The following MYO1B variants were observed in gnomAD, a reference collection of about 807,000 sequenced individuals.
The protein encoded by MYO1B is unconventional myosin-Ib.
In MYO1B, 72 loss-of-function variants were observed where a neutral mutation model predicts 159.7. The ratio of observed to expected loss-of-function variants is 0.45; its 90% CI spans 0.37 to 0.55. The LOEUF (loss-of-function observed/expected upper bound fraction) is 0.55, where lower values mean the gene tolerates loss of function less well. Ranked by LOEUF, MYO1B falls within the 20% of genes least tolerant of loss-of-function variation. The probability of loss-of-function intolerance (pLI) is 0.00; values close to 1 mark genes in which losing one functional copy is unlikely to be tolerated. For synonymous variants in MYO1B, 468 were observed against 473.8 expected (o/e 0.99, Z 0.16); for missense variants, 1,062 against 1,364.8 (o/e 0.78, Z 3.50).
chr2:191,336,191 C>A (rs967820307), intron 4 of MYO1B, among the ~76,000 whole-genome samples: 1 of 152,170 alleles, frequency 6.6e-6, no homozygotes, highest in Non-Finnish European at 1.5e-5. Context: ...TTTACAGTTA[C>A]ATCAGTTTCT....
chr2:191,394,650 C>T (rs563741799), intron 20 of MYO1B, among the ~76,000 whole-genome samples: 2 of 152,004 alleles, frequency 1.3e-5, no homozygotes, highest in African/African-American at 2.4e-5. Context: ...AATGGGGAGG[C>T]GGGATGTGAC....
At chr2:191,369,494 C>A in intron 11 of MYO1B, 48 bp from the exon 12 acceptor site, 2 of 1,285,460 alleles carry the variant, frequency 1.6e-6, no homozygotes, top group South Asian at 1.2e-5. Flanking sequence ...TAAAAGTAAG[C>A]ATTGTGGAAT....
At position 191,403,835 on chromosome 2, in the gene MYO1B, A is replaced by G. The variant is rs1283732324; in HGVS notation, c.2556+1117A>G. 2.0e-5 allele frequency among the ~76,000 whole-genome samples: 3 copies of G among 152,214 alleles called. No homozygotes were observed. The East Asian group carries it at 5.8e-4, about 29-fold the overall frequency. On this transcript the variant is annotated intron_variant, in intron 24 of 30. Transcript: ENST00000392318. ...ATAACCGGTTTTTTTAAGTCAAACA[A>G]AAGTAAACATTTTCCCATTTAACTC...
intron 2 of MYO1B, among the ~76,000 whole-genome samples, chr2:191,287,530 C>CA (rs78877911): frequency 2.0e-3 from 255 of 130,416 alleles, no homozygotes; most frequent in Middle Eastern, 0.019. Context: ...AACTCCGTCT[C>CA]AAAAAAAAAA....
chr2:191,336,863 G>T (rs1464165401), intron 4 of MYO1B, among the ~76,000 whole-genome samples: 1 of 152,120 alleles, frequency 6.6e-6, no homozygotes, highest in African/African-American at 2.4e-5. Context: ...AAAAACTTTG[G>T]TGTCTTAACT....
chr2:191,353,321 A>T (rs943125026), intron 7 of MYO1B, among the ~76,000 whole-genome samples: 9 of 152,174 alleles, frequency 5.9e-5, no homozygotes, highest in African/African-American at 2.2e-4. Context: ...AGTGTTATGA[A>T]CTGGAAGCTT....
chr2:191,300,581 A>G (rs557484468), intron 3 of MYO1B, among the ~76,000 whole-genome samples: 26 of 144,270 alleles, frequency 1.8e-4, no homozygotes, highest in African/African-American at 6.4e-4. Context: ...TGACCTCATG[A>G]TCTACCCTCC....
intron 26 of MYO1B, among the ~76,000 whole-genome samples, chr2:191,410,817 C>T (rs150542550): frequency 3.9e-5 from 6 of 152,256 alleles, no homozygotes; most frequent in South Asian, 2.1e-4. Flanking sequence ...TTGCAAGGCC[C>T]GTGCCCACTA....
chr2:191,315,033 A>G (rs1690253830), intron 3 of MYO1B, among the ~76,000 whole-genome samples: 1 of 152,190 alleles, frequency 6.6e-6, no homozygotes, highest in Non-Finnish European at 1.5e-5. Context: ...TGCAAATGTT[A>G]CAGGTGTAAG....
chr2:191,300,129 C>G lies in MYO1B; in HGVS notation c.251+3903C>G, dbSNP rs972085209. 7.2e-5 allele frequency among the ~76,000 whole-genome samples: 11 copies of G among 152,186 alleles called. No homozygotes were observed. The East Asian group carries it at 9.6e-4, about 13-fold the overall frequency. On this transcript the variant is annotated intron_variant, in intron 3 of 30. Transcript: ENST00000392318. ...AAACAGGGTCAATGCTAACTTGGTTCCCTACTAAAACAGCCTGGCATTCTC... is the reference window on the plus strand; with the variant it reads ...AAACAGGGTCAATGCTAACTTGGTTGCCTACTAAAACAGCCTGGCATTCTC...
At chr2:191,391,617 T>A (rs1221372608) in intron 18 of MYO1B, among the ~76,000 whole-genome samples, 2 of 152,046 alleles carry the variant, frequency 1.3e-5, no homozygotes, top group African/African-American at 4.8e-5. Context: ...GATGGAGAGG[T>A]CAGGGCCAAG....
intron 3 of MYO1B, among the ~76,000 whole-genome samples, chr2:191,327,479 T>C (rs1329083872): frequency 6.6e-6 from 1 of 152,252 alleles, no homozygotes; most frequent in Non-Finnish European, 1.5e-5. Context: ...ACATTCTCCA[T>C]GTTGGAGATG....
intron 6 of MYO1B, among the ~76,000 whole-genome samples, chr2:191,347,550 C>T (rs1004844021): frequency 1.3e-5 from 2 of 152,118 alleles, no homozygotes; most frequent in Non-Finnish European, 2.9e-5. Flanking sequence ...TGTAAAAACC[C>T]ATATTGCTTA....
intron 11 of MYO1B, among the ~76,000 whole-genome samples, chr2:191,369,146 A>G (rs924093651): frequency 6.6e-6 from 1 of 152,158 alleles, no homozygotes; most frequent in African/African-American, 2.4e-5. Context: ...TTACGCGAGC[A>G]TTTCCATTTC....
chr2:191,293,269 A>G (rs1050548505), intron 2 of MYO1B, among the ~76,000 whole-genome samples: 1 of 152,192 alleles, frequency 6.6e-6, no homozygotes, highest in African/African-American at 2.4e-5. Flanking sequence ...TCAAATGGGA[A>G]GTGCATGCAG....
intron 4 of MYO1B, among the ~76,000 whole-genome samples, chr2:191,338,672 C>G (rs1385959527): frequency 1.3e-5 from 2 of 152,186 alleles, no homozygotes; most frequent in African/African-American, 4.8e-5. Context: ...AGCAGTTGTC[C>G]TCTAAGTTCA....
At chr2:191,322,296 T>C (rs1329211120) in intron 3 of MYO1B, among the ~76,000 whole-genome samples, 1 of 152,172 alleles carries the variant, frequency 6.6e-6, no homozygotes, top group East Asian at 1.9e-4. Context: ...AAGACAGATG[T>C]TTCCTTCTCT....
chr2:191,422,756 G>T (rs964870934), intron 30 of MYO1B, among the ~76,000 whole-genome samples: 2 of 152,134 alleles, frequency 1.3e-5, no homozygotes, highest in Non-Finnish European at 2.9e-5. Context: ...CTAGAGGGTT[G>T]CCAGGCCCCT....
intron 1 of MYO1B, among the ~76,000 whole-genome samples, chr2:191,251,167 T>C (rs1345180840): frequency 6.6e-6 from 1 of 152,218 alleles, no homozygotes; most frequent in Non-Finnish European, 1.5e-5. Context: ...GTCCCTTTTC[T>C]TACCCCCTTG....
Sources: gnomAD v4.1 joint callset for allele counts (sites outside exome capture counted in the v4.1 genomes callset) on GRCh38, gnomAD v4.1.1 for gene constraint, MANE v1.5 for transcripts, NCBI Gene and HGNC (gene_info 2026-07-23, HGNC 2026-07-21) for gene names.